The following CCDC7 variants were observed in gnomAD, a reference collection of about 807,000 sequenced individuals.
CCDC7 encodes coiled-coil domain containing 7, also known as coiled-coil domain-containing protein 7.
In CCDC7, 183 loss-of-function variants were observed where a neutral mutation model predicts 196.9. That is an observed-to-expected ratio of 0.93 (90% CI 0.82 to 1.05). The LOEUF is 1.05. CCDC7 is among the 50% of genes least tolerant of loss of function. CCDC7 has a pLI of 0.00. For synonymous variants in CCDC7, 525 were observed against 484.6 expected (o/e 1.08, Z -1.10); for missense variants, 1,540 against 1,482.2 (o/e 1.04, Z -0.64).
intron 28 of CCDC7, among the ~76,000 whole-genome samples, chr10:32,765,797 A>C (rs578104764): frequency 1.5e-4 from 23 of 152,180 alleles, no homozygotes; most frequent in Non-Finnish European, 2.9e-4. Flanking sequence ...TACTGTACTA[A>C]ATAATGATTT....
intron 20 of CCDC7, among the ~76,000 whole-genome samples, chr10:32,641,776 C>T (rs1025121264): frequency 1.1e-4 from 17 of 152,126 alleles, no homozygotes; most frequent in Admixed American, 3.3e-4. Context: ...TCCCCATCTT[C>T]GTGGTTTTAT....
intron 8 of CCDC7, among the ~76,000 whole-genome samples, chr10:32,483,628 G>C (rs1438119220): frequency 6.6e-6 from 1 of 152,124 alleles, no homozygotes; most frequent in East Asian, 1.9e-4. Context: ...TATGGTTTCA[G>C]GTCTAACATT....
chr10:32,802,000 T>C (rs1037890916), intron 29 of CCDC7, among the ~76,000 whole-genome samples: 1 of 152,324 alleles, frequency 6.6e-6, no homozygotes, highest in East Asian at 1.9e-4. Context: ...CTCACTTTAA[T>C]AGTGGATACC....
chr10:32,693,850 C>T (rs544541369), intron 23 of CCDC7, among the ~76,000 whole-genome samples: 5 of 152,224 alleles, frequency 3.3e-5, no homozygotes, highest in African/African-American at 1.2e-4. Context: ...CCTGATATGG[C>T]ATAGCATTCT....
Position 32,611,637 on chromosome 10 carries a change from A to G in CCDC7, c.1802-22617A>G, listed in dbSNP as rs560174290. On this transcript the variant is annotated intron_variant, in intron 18 of 41. Coordinates refer to ENST00000639629, the Ensembl canonical transcript of CCDC7. ...GGGATCCAGTTTCAGTTTTCTGCCT[A>G]TGGCTAGCCACTTTTCTCAGCATCA... 3.4e-3 allele frequency among the ~76,000 whole-genome samples: 513 copies of G among 152,318 alleles called. 1 individual carries two copies. Among genetic ancestry groups the G allele is most frequent in the Non-Finnish European group, 6.0e-3 (410 of 68,028 alleles).
chr10:32,724,438 C>G (rs142907914), intron 25 of CCDC7, among the ~76,000 whole-genome samples: 54 of 152,188 alleles, frequency 3.5e-4, no homozygotes, highest in African/African-American at 1.3e-3. Context: ...AATAATTAAG[C>G]CTTTTTTCAG....
intron 18 of CCDC7, among the ~76,000 whole-genome samples, chr10:32,624,932 A>G (rs534394017): frequency 6.7e-6 from 1 of 148,460 alleles, no homozygotes; most frequent in Non-Finnish European, 1.5e-5. Flanking sequence ...GGTTTCTCCC[A>G]GTCCATAGGT....
chr10:32,629,350 C>A (rs1429483287), intron 18 of CCDC7, among the ~76,000 whole-genome samples: 1 of 151,904 alleles, frequency 6.6e-6, no homozygotes, highest in African/African-American at 2.4e-5. Flanking sequence ...GAGATAACTA[C>A]TGAATATTGG....
At chr10:32,694,529 T>C (rs1020085042) in intron 23 of CCDC7, among the ~76,000 whole-genome samples, 3 of 152,226 alleles carry the variant, frequency 2.0e-5, no homozygotes, top group African/African-American at 7.2e-5. Context: ...TGAAAGTTTA[T>C]GTAGTTTTGA....
chr10:32,879,713 A>G (rs1251206024), downstream of CCDC7, among the ~76,000 whole-genome samples: 5 of 71,334 alleles, frequency 7.0e-5, no homozygotes, highest in Non-Finnish European at 1.6e-4. Flanking sequence ...CCCTCCCCCA[A>G]CCCACAATAG....
chr10:32,609,521 A>T (rs918142986), intron 18 of CCDC7, among the ~76,000 whole-genome samples: 2 of 151,980 alleles, frequency 1.3e-5, no homozygotes, highest in East Asian at 1.9e-4. Flanking sequence ...GTCATTTTTT[A>T]AAAAATCCAT....
intron 18 of CCDC7, among the ~76,000 whole-genome samples, chr10:32,594,362 G>A (rs935259769): frequency 6.6e-6 from 1 of 152,096 alleles, no homozygotes; most frequent in Non-Finnish European, 1.5e-5. Context: ...TCTGTTATTG[G>A]TGTATAAGAA....
At chr10:32,487,583 T>G (rs1266707730) in intron 8 of CCDC7, among the ~76,000 whole-genome samples, 1 of 152,224 alleles carries the variant, frequency 6.6e-6, no homozygotes, top group Admixed American at 6.5e-5. Context: ...GTTTCCAGTT[T>G]TTCTGCTCTG....
chr10:32,866,529 G>A (rs954657354), intron 41 of CCDC7, among the ~76,000 whole-genome samples: 3 of 151,492 alleles, frequency 2.0e-5, no homozygotes, highest in African/African-American at 4.8e-5. Context: ...ATTAGCCATC[G>A]AAGTAATTAA....
intron 11 of CCDC7, among the ~76,000 whole-genome samples, chr10:32,520,667 G>A (rs2135579209): frequency 6.6e-6 from 1 of 151,998 alleles, no homozygotes; most frequent in Middle Eastern, 3.4e-3. Flanking sequence ...CTCATTTTGT[G>A]GGTTGTCTCT....
chr10:32,553,821 T>C (rs2136380326), intron 13 of CCDC7, among the ~76,000 whole-genome samples: 1 of 152,312 alleles, frequency 6.6e-6, no homozygotes, highest in Middle Eastern at 3.4e-3. Flanking sequence ...GGTGGCACTT[T>C]CCAGAGAGCA....
At chr10:32,803,524 G>T (rs1222556164) in intron 29 of CCDC7, among the ~76,000 whole-genome samples, 1 of 151,740 alleles carries the variant, frequency 6.6e-6, no homozygotes, top group Non-Finnish European at 1.5e-5. Flanking sequence ...AAAATTTAAA[G>T]TCTATTTGTC....
chr10:32,684,890 C>G (rs57245382), intron 21 of CCDC7, among the ~76,000 whole-genome samples: 6,607 of 151,914 alleles, frequency 0.043, 481 homozygotes, highest in African/African-American at 0.15. Context: ...TGAGTTTTTT[C>G]TCTTTAATAG....
chr10:32,686,699 C>T (rs2076503984), intron 22 of CCDC7, among the ~76,000 whole-genome samples: 1 of 152,204 alleles, frequency 6.6e-6, no homozygotes, highest in African/African-American at 2.4e-5. Context: ...CATAGTTTGA[C>T]AGTTACCTCC....
Sources: gnomAD v4.1 joint callset for allele counts (sites outside exome capture counted in the v4.1 genomes callset) on GRCh38, gnomAD v4.1.1 for gene constraint, MANE v1.5 for transcripts, NCBI Gene and HGNC (gene_info 2026-07-23, HGNC 2026-07-21) for gene names.